The following SYNGR1 variants were observed in gnomAD, a reference collection of about 807,000 sequenced individuals.
The protein encoded by SYNGR1 is synaptogyrin 1.
In SYNGR1, 14 loss-of-function variants were observed where a neutral mutation model predicts 26.1. The observed-to-expected ratio is 0.54, with a 90% CI of 0.35 to 0.84. The LOEUF (loss-of-function observed/expected upper bound fraction) is 0.84, where lower values mean the gene tolerates loss of function less well. SYNGR1 is among the 40% of genes least tolerant of loss of function. The pLI, the probability that SYNGR1 is intolerant of heterozygous loss-of-function variation, is 0.01. For missense variants in SYNGR1, 319 were observed against 332.9 expected, an observed-to-expected ratio of 0.96 and a Z score of 0.33; for synonymous variants, 141 against 150.1, an observed-to-expected ratio of 0.94 and a Z score of 0.44.
At chr22:39,358,223 T>C (rs1326391299) in intron 1 of SYNGR1, among the ~76,000 whole-genome samples, 1 of 152,086 alleles carries the variant, frequency 6.6e-6, no homozygotes, top group African/African-American at 2.4e-5. Flanking sequence ...GTCCAAACTC[T>C]GTATCTAACT....
At chr22:39,364,738 G>C in intron 1 of SYNGR1, among the ~76,000 whole-genome samples, 1 of 152,200 alleles carries the variant, frequency 6.6e-6, no homozygotes, top group Non-Finnish European at 1.5e-5. Flanking sequence ...GGCTGCATAG[G>C]GTGGGGAGGG....
chr22:39,367,016 T>C (rs1462218697), intron 1 of SYNGR1, among the ~76,000 whole-genome samples: 1 of 152,212 alleles, frequency 6.6e-6, no homozygotes, highest in Non-Finnish European at 1.5e-5. Context: ...CCTTGGCACC[T>C]GTGGCTGCTT....
chr22:39,378,955 G>T (rs141148297), intron 3 of SYNGR1, among the ~76,000 whole-genome samples: 1 of 152,362 alleles, frequency 6.6e-6, no homozygotes, highest in African/African-American at 2.4e-5. Flanking sequence ...TCCCTAGAAG[G>T]ATCAGTAGGG....
intron 1 of SYNGR1, among the ~76,000 whole-genome samples, chr22:39,363,786 G>A (rs1410290598): frequency 6.6e-6 from 1 of 152,100 alleles, no homozygotes; most frequent in East Asian, 1.9e-4. Context: ...CTGGCTGCCT[G>A]CACCGCAGGG....
chr22:39,378,222 C>T lies in SYNGR1; in HGVS notation c.483+2025C>T, dbSNP rs976439473. 7 of 1,052,946 alleles carry T rather than the reference C, an allele frequency of 6.6e-6. No individual in the cohort carries two copies. In the Admixed American group the frequency reaches 3.0e-4, roughly 45 times the overall value. The allele number at this position is 1,052,946 out of a possible 1,614,324, so 65.2% of individuals were successfully genotyped here. ...GGCTCTGTCCTCATGTGCTATGTGA[C>T]CCTGACAAACCCGTGCACCTCTCTC... On this transcript the variant is annotated intron_variant, in intron 3 of 3. Transcript: ENST00000328933.
At position 39,374,409 on chromosome 22, in the gene SYNGR1, C is replaced by A. The variant is rs760308694; in HGVS notation, c.193C>A (p.Pro65Thr). Residue 65 changes from proline (P) to threonine (T), a missense_variant, in exon 2 of 4, where the codon CCC (proline) becomes ACC (threonine). Coordinates refer to ENST00000328933, the MANE Select transcript of SYNGR1 (RefSeq NM_004711.5). ...GGAGTTCTGCATCTACAACCGCAAC[C>A]CCAACGCCTGCAGCTATGGCGTGGC... is the stretch of plus-strand genomic sequence containing the variant. ...GEEFCIYNRN[P>T]NACSYGVAVG... The A allele has an allele frequency of 6.2e-7, 1 of 1,613,960 alleles. No homozygotes were observed.
intron 1 of SYNGR1, among the ~76,000 whole-genome samples, chr22:39,365,474 A>G (rs1295082175): frequency 6.6e-6 from 1 of 152,180 alleles, no homozygotes; most frequent in Non-Finnish European, 1.5e-5. Context: ...TTCTGGGCAC[A>G]CAGCAGGCCC....
chr22:39,384,685 T>A lies in SYNGR1; in HGVS notation c.*2771T>A. 2.5e-6 allele frequency: 1 copy of A among 399,168 alleles called. No individual in the cohort carries two copies. The highest frequency in any genetic ancestry group is 4.4e-6 in the Non-Finnish European group (1 of 226,096). The allele number at this position is 399,168 out of a possible 1,614,324, so 24.7% of individuals were successfully genotyped here. On this transcript the variant is annotated 3_prime_UTR_variant, in exon 4 of 4. Transcript: ENST00000328933. ...CAGCTGCCCTCCCCTACTTCTCCCT[T>A]GCTCCCAAAGCTTTCCTTGGAGAAG... is the stretch of plus-strand genomic sequence containing the variant.
chr22:39,358,378 C>T (rs1443847988), intron 1 of SYNGR1, among the ~76,000 whole-genome samples: 1 of 152,170 alleles, frequency 6.6e-6, no homozygotes, highest in Non-Finnish European at 1.5e-5. Flanking sequence ...GCAGGCTGCC[C>T]GAGCTTGCAT....
Position 39,381,700 on chromosome 22 carries a change from G to C in SYNGR1, c.488G>C (p.Gly163Ala), listed in dbSNP as rs556368058. The part of the protein sequence containing the change: ...FSFFSIFTWA[G>A]QAVLAFQRYQ... ...CTCGCCGGCCTTTGTCCCCAGGCGG[G>C]CCAGGCTGTGCTGGCCTTCCAGCGG... The change falls in exon 4 of 4, where the codon GGC (glycine) becomes GCC (alanine). Residue 163 changes from glycine (G) to alanine (A), a missense_variant. Transcript: ENST00000328933. 2 of 1,613,266 alleles carry C rather than the reference G, an allele frequency of 1.2e-6. No individual in the cohort carries two copies. Among genetic ancestry groups the C allele is most frequent in the Non-Finnish European group, 1.7e-6 (2 of 1,179,980 alleles).
intron 1 of SYNGR1, among the ~76,000 whole-genome samples, chr22:39,367,523 T>G (rs1331778156): frequency 6.6e-6 from 1 of 152,138 alleles, no homozygotes; most frequent in Non-Finnish European, 1.5e-5. Flanking sequence ...GACCCCAGCC[T>G]TAGAAGCTTG....
At chr22:39,352,605 T>G (rs1021527629) in intron 1 of SYNGR1, among the ~76,000 whole-genome samples, 2 of 152,072 alleles carry the variant, frequency 1.3e-5, no homozygotes, top group South Asian at 4.2e-4. Context: ...TTTAAACACA[T>G]CAGGAGCTGC....
intron 3 of SYNGR1, 43 bp from the exon 4 acceptor site, chr22:39,381,653 C>A (rs1274177941): frequency 1.2e-6 from 2 of 1,605,184 alleles, no homozygotes; most frequent in Non-Finnish European, 1.7e-6. Context: ...CCCCTAACCA[C>A]CCCCTCCCGC....
chr22:39,364,877 T>C (rs1048349848), intron 1 of SYNGR1, among the ~76,000 whole-genome samples: 2 of 152,192 alleles, frequency 1.3e-5, no homozygotes, highest in African/African-American at 4.8e-5. Context: ...GATTTGTTTT[T>C]CTGAGTTTGA....
At chr22:39,351,013 GA>G (rs1308489772) in intron 1 of SYNGR1, among the ~76,000 whole-genome samples, 4 of 152,200 alleles carry the variant, frequency 2.6e-5, no homozygotes, top group Non-Finnish European at 5.9e-5. Context: ...TCAGGGAGAG[GA>G]TGGGTCAGAG....
At chr22:39,351,333 C>A (rs919389033) in intron 1 of SYNGR1, among the ~76,000 whole-genome samples, 1 of 152,158 alleles carries the variant, frequency 6.6e-6, no homozygotes, top group African/African-American at 2.4e-5. Flanking sequence ...GGTATGTATC[C>A]CTGGTCTGCG....
chr22:39,369,560 G>A (rs2145623128), intron 1 of SYNGR1, among the ~76,000 whole-genome samples: 1 of 150,184 alleles, frequency 6.7e-6, no homozygotes, highest in Admixed American at 6.5e-5. Context: ...ACCTCCAGAG[G>A]CTGAGAGTCA....
rs1025989691 is a variant in SYNGR1 at position 39,350,361 on chromosome 22, C to T, written c.99+252C>T. ...CGGAGCCCTGGTTTCCTGGGGCCCC[C>T]GGTTCGTGCGCCCCCCTTCCCGCCC... On this transcript the variant is annotated intron_variant, in intron 1 of 3. Coordinates refer to ENST00000328933, the MANE Select transcript of SYNGR1 (RefSeq NM_004711.5). This position sits in a 1 kb window ranked among gnomAD's most constrained non-coding sequence, Gnocchi z 4.3. Among the ~76,000 whole-genome samples, 9 of 152,112 alleles carry T rather than the reference C, an allele frequency of 5.9e-5. No individual in the cohort carries two copies. The highest frequency in any genetic ancestry group is 8.8e-5 in the Non-Finnish European group (6 of 67,984).
intron 1 of SYNGR1, among the ~76,000 whole-genome samples, chr22:39,367,314 A>G (rs546787274): frequency 9.2e-5 from 14 of 152,300 alleles, no homozygotes; most frequent in South Asian, 4.1e-4. Context: ...CAGGCAGCTC[A>G]CTCACTCCAC....
Sources: allele counts gnomAD v4.1 joint callset (sites outside exome capture counted in the v4.1 genomes callset), GRCh38; gene constraint gnomAD v4.1.1; non-coding constraint Gnocchi (gnomAD v3.1); transcripts MANE v1.5; gene names NCBI Gene and HGNC (gene_info 2026-07-23, HGNC 2026-07-21).